MDGA2: variants seen among roughly 807,000 people sequenced by gnomAD.
MDGA2 encodes the protein MAM domain-containing glycosylphosphatidylinositol anchor protein 2.
A neutral mutation model predicts 117.8 loss-of-function variants in MDGA2; 40 were observed. The observed-to-expected ratio is 0.34, with a 90% CI of 0.26 to 0.44. The LOEUF (loss-of-function observed/expected upper bound fraction) is 0.44. Ranked by LOEUF, MDGA2 falls within the 20% of genes least tolerant of loss-of-function variation. The probability of loss-of-function intolerance (pLI) is 1.00; values close to 1 mark genes in which losing one functional copy is unlikely to be tolerated. For missense variants in MDGA2, 1,123 were observed against 1,250.6 expected, an observed-to-expected ratio of 0.90 and a Z score of 1.54; for synonymous variants, 452 against 439.0, an observed-to-expected ratio of 1.03 and a Z score of -0.37.
chr14:47,146,306 A>C lies in MDGA2; in HGVS notation c.596-2032T>G, dbSNP rs558111099. Among the ~76,000 whole-genome samples the C allele has an allele frequency of 1.5e-4, 23 of 152,298 alleles. No homozygotes were observed. In the South Asian group the frequency reaches 4.8e-3, roughly 32 times the overall value. Reference sequence around the variant, plus strand: ...AGGGCTTTTTTTCTTCCAACATCAGAATATTTTCACAGCTACCTCAAAGGC... The same window carrying C: ...AGGGCTTTTTTTCTTCCAACATCAGCATATTTTCACAGCTACCTCAAAGGC... On this transcript the variant is annotated intron_variant, in intron 3 of 16. Coordinates refer to ENST00000399232, the MANE Select transcript of MDGA2 (RefSeq NM_001113498.3).
rs1882482751 is a variant in MDGA2, at chr14:46,882,093, G to A, written c.2367C>T (p.Leu789=). 4 of 1,611,358 alleles carry A rather than the reference G, an allele frequency of 2.5e-6. No homozygotes were observed. The highest frequency in any genetic ancestry group is 1.7e-5 in the Admixed American group (1 of 59,904). ...TTGAATCTCCTTCACCAAATTTGGT[G>A]AGAGGAGTCAGTCGGACTTCATAAG... ...PEAYEVRLTP[L]TKFGEGDSTI... is the part of the protein sequence containing the mutation. Residue 789 remains leucine, a synonymous_variant, in exon 11 of 17, where the codon CTC becomes CTT. Transcript: ENST00000399232.
chr14:46,918,760 C>CTTTT (rs34958634), intron 10 of MDGA2, among the ~76,000 whole-genome samples: 4 of 124,806 alleles, frequency 3.2e-5, no homozygotes, highest in Admixed American at 1.6e-4. Flanking sequence ...TACAGTGTAT[C>CTTTT]TTTTTTTTTT....
chr14:47,361,053 T>C (rs1449663087), intron 1 of MDGA2, among the ~76,000 whole-genome samples: 1 of 152,080 alleles, frequency 6.6e-6, no homozygotes, highest in African/African-American at 2.4e-5. Context: ...AATAAAAATT[T>C]GCTAGGAGAG....
At chr14:47,047,938 T>G (rs76069516) in intron 7 of MDGA2, among the ~76,000 whole-genome samples, 299 of 152,116 alleles carry the variant, frequency 2.0e-3, no homozygotes, top group Non-Finnish European at 3.3e-3. Flanking sequence ...AAGACAGGAA[T>G]AAACCTTTTC....
chr14:46,925,400 G>A (rs1414988001), intron 9 of MDGA2, among the ~76,000 whole-genome samples: 1 of 152,118 alleles, frequency 6.6e-6, no homozygotes. Flanking sequence ...GGGAGGTCAA[G>A]GTGGGAGGAT....
At chr14:47,529,965 T>C (rs1248381067) in intron 1 of MDGA2, among the ~76,000 whole-genome samples, 5 of 152,252 alleles carry the variant, frequency 3.3e-5, no homozygotes, top group African/African-American at 4.8e-5. Flanking sequence ...CTCCTGATTA[T>C]TGTAAATACA....
At chr14:47,355,875 CAG>C (rs1890982915) in intron 1 of MDGA2, among the ~76,000 whole-genome samples, 2 of 152,180 alleles carry the variant, frequency 1.3e-5, no homozygotes, top group African/African-American at 4.8e-5. Context: ...TCTCTTTTGA[CAG>C]TTTCTGAATG....
chr14:47,102,028 A>G (rs1277201673), intron 5 of MDGA2, among the ~76,000 whole-genome samples: 6 of 152,156 alleles, frequency 3.9e-5, no homozygotes, highest in Non-Finnish European at 7.3e-5. Context: ...TTGACTTCTT[A>G]GGTGCTTTGT....
intron 10 of MDGA2, among the ~76,000 whole-genome samples, chr14:46,899,600 A>T (rs1883207891): frequency 6.6e-6 from 1 of 151,530 alleles, no homozygotes; most frequent in African/African-American, 2.4e-5. Context: ...ATAAATAATG[A>T]TAGAAAAAAA....
intron 14 of MDGA2, among the ~76,000 whole-genome samples, chr14:46,861,112 T>G (rs1213677273): frequency 6.6e-6 from 1 of 151,876 alleles, no homozygotes; most frequent in Non-Finnish European, 1.5e-5. Context: ...TTCTCTTGGG[T>G]TGCATGACCT....
chr14:47,654,360 C>A (rs1897700727), intron 1 of MDGA2, among the ~76,000 whole-genome samples: 1 of 152,012 alleles, frequency 6.6e-6, no homozygotes, highest in South Asian at 2.1e-4. Flanking sequence ...GTGTTTCCTG[C>A]TTGAAGACAA....
chr14:47,620,049 TC>T (rs1897022305), intron 1 of MDGA2, among the ~76,000 whole-genome samples: 2 of 152,124 alleles, frequency 1.3e-5, no homozygotes, highest in African/African-American at 4.8e-5. Context: ...GCACACATAA[TC>T]CCTGGCTTAA....
At position 47,050,266 on chromosome 14, in the gene MDGA2, C is replaced by G. The variant is rs116948127; in HGVS notation, c.1525+10983G>C. On this transcript the variant is annotated intron_variant, in intron 7 of 16. Coordinates refer to ENST00000399232, the MANE Select transcript of MDGA2 (RefSeq NM_001113498.3). ...CTTTCTACAGCTTAAGCTTCTCATA[C>G]GTAAAATGAATATAATCACAAAATC... Among the ~76,000 whole-genome samples the G allele has an allele frequency of 8.3e-3, 1,255 of 152,010 alleles. 10 individuals are homozygous for G. Among genetic ancestry groups the G allele is most frequent in the Non-Finnish European group, 0.011 (746 of 67,920 alleles).
intron 1 of MDGA2, among the ~76,000 whole-genome samples, chr14:47,596,335 A>T (rs1207103279): frequency 6.6e-6 from 1 of 152,214 alleles, no homozygotes; most frequent in Non-Finnish European, 1.5e-5. Context: ...CACCCTAAGA[A>T]CTGAAACCTG....
At chr14:47,266,641 A>G (rs1887974864) in intron 2 of MDGA2, among the ~76,000 whole-genome samples, 1 of 152,170 alleles carries the variant, frequency 6.6e-6, no homozygotes, top group African/African-American at 2.4e-5. Flanking sequence ...TCTGTTCCCT[A>G]TAATCTCTTC....
intron 6 of MDGA2, among the ~76,000 whole-genome samples, chr14:47,078,476 T>C (rs781626385): frequency 2.0e-5 from 3 of 152,094 alleles, no homozygotes; most frequent in Non-Finnish European, 4.4e-5. Context: ...ACAAACTCAT[T>C]AGAATGTCAA....
At chr14:46,850,714 TG>T (rs959579658) in intron 15 of MDGA2, among the ~76,000 whole-genome samples, 6 of 151,922 alleles carry the variant, frequency 3.9e-5, no homozygotes, top group African/African-American at 1.2e-4. Context: ...GCTTTTTCCC[TG>T]GGGAAACTAC....
chr14:46,913,454 A>G (rs1438056950), intron 10 of MDGA2, among the ~76,000 whole-genome samples: 1 of 151,288 alleles, frequency 6.6e-6, no homozygotes, highest in East Asian at 2.0e-4. Flanking sequence ...CAAGCACAAA[A>G]CAAGCAACAA....
At chr14:47,657,477 T>TTAG (rs1211941441) in intron 1 of MDGA2, among the ~76,000 whole-genome samples, 74 of 152,156 alleles carry the variant, frequency 4.9e-4, no homozygotes, top group Non-Finnish European at 8.4e-4. Context: ...TGCTGCTAAA[T>TTAG]GTCCAACCTG....
Sources: gnomAD v4.1 joint callset for allele counts (sites outside exome capture counted in the v4.1 genomes callset) on GRCh38, gnomAD v4.1.1 for gene constraint, MANE v1.5 for transcripts, NCBI Gene and HGNC (gene_info 2026-07-23, HGNC 2026-07-21) for gene names.